Variants in CCDC102A observed in about 807,000 individuals in gnomAD.
CCDC102A encodes coiled-coil domain containing 102A.
CCDC102A carries 40 observed loss-of-function variants against 55.5 expected under a neutral mutation model. The ratio of observed to expected loss-of-function variants is 0.72; its 90% CI spans 0.56 to 0.94. The LOEUF is 0.94. Ranked by LOEUF, CCDC102A falls within the 40% of genes least tolerant of loss-of-function variation. CCDC102A has a pLI of 0.00. For missense variants in CCDC102A, 779 were observed against 768.6 expected (o/e 1.01, Z -0.16); for synonymous variants, 323 against 339.0 (o/e 0.95, Z 0.52).
chr16:57,515,198 C>A (rs544764149), intron 8 of CCDC102A, 143 bp downstream of exon 8: 40 of 655,356 alleles, frequency 6.1e-5, no homozygotes, highest in Non-Finnish European at 9.9e-5. Flanking sequence ...CCTTCCTGCC[C>A]GGAGGGGACA....
At position 57,529,002 on chromosome 16, in the gene CCDC102A, G is replaced by GGGGGCA; in HGVS notation, c.170_175dup (p.Leu57_Pro58dup). ...GCCGTCGGCCAGCAGCGCGGGCGCG[G>GGGGGCA]GGGGCAGGGGCAGTGCGGGCGGCGG... On this transcript the variant is annotated inframe_insertion, in exon 2 of 9. Coordinates refer to ENST00000258214, the MANE Select transcript of CCDC102A (RefSeq NM_033212.4). This position sits in a 1 kb window ranked among gnomAD's most constrained non-coding sequence, Gnocchi z 4.1. The GGGGGCA allele has an allele frequency of 1.8e-6, 2 of 1,136,776 alleles. No individual in the cohort carries two copies. The highest frequency in any genetic ancestry group is 2.2e-6 in the Non-Finnish European group (2 of 923,544). The allele number at this position is 1,136,776 out of a possible 1,614,324, so 70.4% of individuals were successfully genotyped here. A position where few individuals can be genotyped will look rare whatever the true frequency, so the allele number is the denominator to read the frequency against.
chr16:57,530,863 G>A (rs191775277), intron 1 of CCDC102A, among the ~76,000 whole-genome samples: 13 of 151,938 alleles, frequency 8.6e-5, no homozygotes, highest in Admixed American at 8.5e-4. Flanking sequence ...TTGGCGCTCT[G>A]TCACCCGGCC....
intron 3 of CCDC102A, among the ~76,000 whole-genome samples, chr16:57,523,307 T>C (rs965638438): frequency 6.6e-6 from 1 of 152,212 alleles, no homozygotes; most frequent in African/African-American, 2.4e-5. Flanking sequence ...ATCAAGCTGT[T>C]GGCAGGACTG....
intron 1 of CCDC102A, among the ~76,000 whole-genome samples, chr16:57,533,536 TCACA>T (rs1268559453): frequency 2.2e-5 from 3 of 136,534 alleles, no homozygotes; most frequent in Non-Finnish European, 4.7e-5. Flanking sequence ...ATGCACACAC[TCACA>T]CACACACCCC....
At position 57,525,915 on chromosome 16, in the gene CCDC102A, C is replaced by G; in HGVS notation, c.798G>C (p.Leu266=). Residue 266 remains leucine, a synonymous_variant, in exon 3 of 9, where the codon CTG becomes CTC. Transcript: ENST00000258214. Reference sequence around the variant, plus strand: ...CCACGACTCACTCTCGCTCCTTGAGCAGCACCTTCTGGGACTCATCCAGCC... The same window carrying G: ...CCACGACTCACTCTCGCTCCTTGAGGAGCACCTTCTGGGACTCATCCAGCC... ...RLRLDESQKV[L]LKEREDKLAL... 1 of 1,612,262 alleles carries G rather than the reference C, an allele frequency of 6.2e-7. No individual in the cohort carries two copies.
At chr16:57,525,074 G>A (rs528307288) in intron 3 of CCDC102A, among the ~76,000 whole-genome samples, 2 of 133,954 alleles carry the variant, frequency 1.5e-5, no homozygotes, top group African/African-American at 3.1e-5. Flanking sequence ...CACGCTCATC[G>A]TTTTATTTAT....
chr16:57,519,170 G>A (rs1259181739), intron 4 of CCDC102A, among the ~76,000 whole-genome samples: 1 of 152,200 alleles, frequency 6.6e-6, no homozygotes, highest in Non-Finnish European at 1.5e-5. Context: ...CTGTACTCCA[G>A]GCACCAGGGA....
At position 57,518,203 on chromosome 16, in the gene CCDC102A, A is replaced by G; in HGVS notation, c.1113T>C (p.Leu371=). 1 of 1,612,668 alleles carries G rather than the reference A, an allele frequency of 6.2e-7. No individual in the cohort carries two copies. The highest frequency in any genetic ancestry group is 2.2e-5 in the East Asian group (1 of 44,868). Residue 371 remains leucine, a synonymous_variant, in exon 6 of 9, where the codon CTT becomes CTC. Transcript: ENST00000258214. ...RERLETEKLG[L]ERENKKLRAQ... is the part of the protein sequence containing the mutation. ...CCCGCAGCTTCTTGTTCTCCCGCTC[A>G]AGGCCCAGTTTCTCTGTCTCCAGCC...
chr16:57,515,057 G>T (rs1430584196), intron 8 of CCDC102A, among the ~76,000 whole-genome samples: 1 of 152,026 alleles, frequency 6.6e-6, no homozygotes, highest in African/African-American at 2.4e-5. Flanking sequence ...CCCAAGCCTT[G>T]GGCCTGACCT....
chr16:57,517,761 T>C (rs2031979786), intron 6 of CCDC102A, among the ~76,000 whole-genome samples: 1 of 152,216 alleles, frequency 6.6e-6, no homozygotes, highest in South Asian at 2.1e-4. Flanking sequence ...GTGATTGGCA[T>C]GAATCTGTGT....
At chr16:57,530,931 G>A (rs1402828804) in intron 1 of CCDC102A, among the ~76,000 whole-genome samples, 1 of 151,770 alleles carries the variant, frequency 6.6e-6, no homozygotes, top group East Asian at 2.0e-4. Flanking sequence ...GACCCACCGT[G>A]GCACCTGCTT....
chr16:57,514,077 A>G (rs2031912928), intron 8 of CCDC102A, among the ~76,000 whole-genome samples: 1 of 152,226 alleles, frequency 6.6e-6, no homozygotes, highest in Non-Finnish European at 1.5e-5. Context: ...TCATAGAAGC[A>G]GCGTGATGCT....
At chr16:57,525,653 T>G (rs907941578) in intron 3 of CCDC102A, among the ~76,000 whole-genome samples, 13 of 152,200 alleles carry the variant, frequency 8.5e-5, no homozygotes, top group Non-Finnish European at 1.8e-4. Flanking sequence ...GGCTTCTGTC[T>G]TATTTACGGC....
At position 57,518,173 on chromosome 16, in the gene CCDC102A, C is replaced by G. The variant is rs2031989330; in HGVS notation, c.1143G>C (p.Gln381His). The change falls in exon 6 of 9, where the codon CAG becomes CAC. Residue 381 changes from glutamine (Q) to histidine (H), a missense_variant. By Grantham distance (24) the Gln-to-His change is conservative (BLOSUM62 0). Transcript: ENST00000258214. ...LERENKKLRA[Q>H]VGDLEEALAR... ...CCAGCGCCTCCTCCAGGTCTCCGACCTGTGCCCGCAGCTTCTTGTTCTCCC... is the reference window on the plus strand; with the variant it reads ...CCAGCGCCTCCTCCAGGTCTCCGACGTGTGCCCGCAGCTTCTTGTTCTCCC... 1 of 1,612,570 alleles carries G rather than the reference C, an allele frequency of 6.2e-7. No homozygotes were observed. The highest frequency in any genetic ancestry group is 8.5e-7 in the Non-Finnish European group (1 of 1,179,894).
rs965390477 is a variant in CCDC102A, at chr16:57,529,615, T to C, written c.-147-291A>G. On this transcript the variant is annotated intron_variant, in intron 1 of 8. Coordinates refer to ENST00000258214, the MANE Select transcript of CCDC102A (RefSeq NM_033212.4). This position sits in a 1 kb window ranked among gnomAD's most constrained non-coding sequence, Gnocchi z 4.1. ...ACTGATGGCTTATACTATACTACTATGCAACTTCCGCACAGGACCCAGGCG... is the reference window on the plus strand; with the variant it reads ...ACTGATGGCTTATACTATACTACTACGCAACTTCCGCACAGGACCCAGGCG... 2.3e-4 allele frequency among the ~76,000 whole-genome samples: 35 copies of C among 152,314 alleles called. No homozygotes were observed. Among genetic ancestry groups the C allele is most frequent in the African/African-American group, 8.2e-4 (34 of 41,580 alleles).
intron 8 of CCDC102A, among the ~76,000 whole-genome samples, chr16:57,513,970 G>A (rs774307118): frequency 2.0e-5 from 3 of 152,134 alleles, no homozygotes; most frequent in Non-Finnish European, 4.4e-5. Context: ...ATTCTGCCTG[G>A]CCACCCACCA....
Position 57,516,262 on chromosome 16 carries a change from G to T in CCDC102A, c.1419+31C>A. 6.3e-7 allele frequency: 1 copy of T among 1,595,154 alleles called. No individual in the cohort carries two copies. The highest frequency in any genetic ancestry group is 1.7e-5 in the Admixed American group (1 of 59,916). ...CCCCACTCCTCCCTGGCCAAGGTCT[G>T]TTGCTGCCCCTGCCCCTCTGTGGTC... is the stretch of plus-strand genomic sequence containing the variant. On this transcript the variant is annotated intron_variant, in intron 7 of 8. Coordinates refer to ENST00000258214, the MANE Select transcript of CCDC102A (RefSeq NM_033212.4). This position sits in a 1 kb window ranked among gnomAD's most constrained non-coding sequence, Gnocchi z 4.4.
chr16:57,519,811 T>A (rs989866808), intron 4 of CCDC102A, among the ~76,000 whole-genome samples: 1 of 152,190 alleles, frequency 6.6e-6, no homozygotes, highest in East Asian at 1.9e-4. Flanking sequence ...TTAGGAGATT[T>A]CCTCAGAGAT....
At chr16:57,520,578 TAACATAACATAACATAAATA>T (rs1342156866) in intron 4 of CCDC102A, among the ~76,000 whole-genome samples, 6 of 131,100 alleles carry the variant, frequency 4.6e-5, no homozygotes, top group African/African-American at 1.6e-4. Context: ...TAACATAACA[TAACATAACATAACATAAATA>T]AAATAAAATA....
Sources: gnomAD v4.1 joint callset for allele counts (sites outside exome capture counted in the v4.1 genomes callset) on GRCh38, gnomAD v4.1.1 for gene constraint, Gnocchi (gnomAD v3.1) non-coding constraint, MANE v1.5 for transcripts, NCBI Gene and HGNC (gene_info 2026-07-23, HGNC 2026-07-21) for gene names.